The following CDC23 variants were observed in gnomAD, a reference collection of about 807,000 sequenced individuals.
The protein encoded by CDC23 is cell division cycle 23.
CDC23 carries 26 observed loss-of-function variants against 81.7 expected under a neutral mutation model. The observed-to-expected ratio is 0.32, with a 90% CI of 0.23 to 0.44. The LOEUF (loss-of-function observed/expected upper bound fraction) is 0.44. CDC23 is among the 20% of genes least tolerant of loss of function. The pLI is 1.00. For synonymous variants in CDC23, 267 were observed against 270.8 expected (o/e 0.99, Z 0.14); for missense variants, 519 against 728.0 (o/e 0.71, Z 3.30).
intron 9 of CDC23, among the ~76,000 whole-genome samples, chr5:138,195,700 C>CATATATACATATTATATGTAT (rs1754887522): frequency 1.1e-5 from 1 of 94,744 alleles, no homozygotes; most frequent in South Asian, 3.0e-4. Context: ...AATATATATG[C>CATATATACATATTATATGTAT]ATATATACAT....
chr5:138,212,940 G>A, intron 2 of CDC23, 51 bp downstream of exon 2: 1 of 1,517,118 alleles, frequency 6.6e-7, no homozygotes, highest in Non-Finnish European at 9.1e-7. Flanking sequence ...AGTGGCTCTT[G>A]AGGCACACCC....
intron 2 of CDC23, among the ~76,000 whole-genome samples, chr5:138,208,660 T>C (rs1755079536): frequency 3.3e-5 from 5 of 152,234 alleles, no homozygotes; most frequent in Admixed American, 3.3e-4. Flanking sequence ...GATATATCCT[T>C]ATAATTCAGA....
chr5:138,209,719 G>A (rs184398837), intron 2 of CDC23, among the ~76,000 whole-genome samples: 1 of 151,620 alleles, frequency 6.6e-6, no homozygotes, highest in Non-Finnish European at 1.5e-5. Flanking sequence ...GGCTATTCGG[G>A]AGGCTGAGGC....
intron 9 of CDC23, among the ~76,000 whole-genome samples, chr5:138,195,739 A>ATATATATGTATATATATACATATAT (rs1754891620): frequency 3.6e-5 from 2 of 55,704 alleles, no homozygotes; most frequent in Non-Finnish European, 7.7e-5. Context: ...TATACATATA[A>ATATATATGTATATATATACATATAT]TATATATGTA....
chr5:138,197,502 T>A lies in CDC23; in HGVS notation c.1012+697A>T, dbSNP rs527672036. On this transcript the variant is annotated intron_variant, in intron 9 of 15. Transcript: ENST00000394886. ...AACATGTAATACATATTTATTTTTT[T>A]TTTTTTTTTTTTGAGACGGAGTCTC... is the stretch of plus-strand genomic sequence containing the variant. 9.0e-4 allele frequency among the ~76,000 whole-genome samples: 135 copies of A among 149,400 alleles called. 1 individual carries two copies. The highest frequency in any genetic ancestry group is 5.2e-3 in the East Asian group (27 of 5,148).
chr5:138,192,944 T>A (rs1754842819), intron 9 of CDC23, among the ~76,000 whole-genome samples: 1 of 152,222 alleles, frequency 6.6e-6, no homozygotes, highest in African/African-American at 2.4e-5. Flanking sequence ...CTTTCTTTTT[T>A]TCTGAGACAA....
intron 3 of CDC23, chr5:138,206,215 A>T (rs1755046227): frequency 2.4e-6 from 1 of 419,946 alleles, no homozygotes; most frequent in Non-Finnish European, 4.2e-6. Flanking sequence ...TATAAACATG[A>T]TAAATGAATT....
At chr5:138,211,482 T>TGAA (rs997658782) in intron 2 of CDC23, among the ~76,000 whole-genome samples, 2 of 151,952 alleles carry the variant, frequency 1.3e-5, no homozygotes, top group African/African-American at 4.8e-5. Context: ...GTAAACAGGG[T>TGAA]GAAACCCTGT....
chr5:138,195,597 ATT>A lies in CDC23; in HGVS notation c.1012+2600_1012+2601del, dbSNP rs1491484332. Among the ~76,000 whole-genome samples, 11 of 77,666 alleles carry A rather than the reference ATT, an allele frequency of 1.4e-4. No homozygotes were observed. The East Asian group carries it at 6.6e-3, about 47-fold the overall frequency. 51.0% of individuals were successfully genotyped at this position (77,666 alleles called of 152,430 possible). A position where few individuals can be genotyped will look rare whatever the true frequency, so the allele number is the denominator to read the frequency against. The stretch of plus-strand genomic sequence containing the variant: ...ATATAATATATTATATATAATATAT[ATT>A]ATATATGATATATTTATATATAAAT... On this transcript the variant is annotated intron_variant, in intron 9 of 15. Coordinates refer to ENST00000394886, the MANE Select transcript of CDC23 (RefSeq NM_004661.4).
At chr5:138,196,369 C>A (rs1754905628) in intron 9 of CDC23, among the ~76,000 whole-genome samples, 1 of 151,394 alleles carries the variant, frequency 6.6e-6, no homozygotes, top group Non-Finnish European at 1.5e-5. Context: ...TGGCTCACTG[C>A]AACCTCGGCC....
intron 8 of CDC23, 53 bp from the exon 9 acceptor site, chr5:138,198,333 A>G (rs1754942567): frequency 1.3e-6 from 2 of 1,583,064 alleles, no homozygotes; most frequent in Non-Finnish European, 1.7e-6. Flanking sequence ...TCCCTAAATT[A>G]TTTTTCCTGT....
At chr5:138,212,914 C>T (rs1755130262) in intron 2 of CDC23, 77 bp downstream of exon 2, 4 of 1,207,510 alleles carry the variant, frequency 3.3e-6, no homozygotes, top group Non-Finnish European at 4.9e-6. Flanking sequence ...TGCTCTCCTC[C>T]AGTGACAGGG....
chr5:138,194,882 C>T (rs908832408), intron 9 of CDC23, among the ~76,000 whole-genome samples: 6 of 151,504 alleles, frequency 4.0e-5, no homozygotes, highest in Non-Finnish European at 7.4e-5. Flanking sequence ...CCACCATGCC[C>T]GGCTAATTTT....
At chr5:138,193,899 G>A (rs1440037789) in intron 9 of CDC23, among the ~76,000 whole-genome samples, 4 of 151,550 alleles carry the variant, frequency 2.6e-5, no homozygotes, top group African/African-American at 4.8e-5. Context: ...CAGAGGTTGC[G>A]GTGAGCCAAG....
In CDC23 at chr5:138,197,507, T is replaced by A. The variant is rs975702303; in HGVS notation, c.1012+692A>T. Among the ~76,000 whole-genome samples the A allele has an allele frequency of 3.8e-4, 57 of 149,840 alleles. 2 individuals are homozygous for A. The highest frequency in any genetic ancestry group is 2.9e-3 in the South Asian group (14 of 4,800). On this transcript the variant is annotated intron_variant, in intron 9 of 15. Coordinates refer to ENST00000394886, the MANE Select transcript of CDC23 (RefSeq NM_004661.4). ...GTAATACATATTTATTTTTTTTTTT[T>A]TTTTTTTGAGACGGAGTCTCACTCT... is the stretch of plus-strand genomic sequence containing the variant.
chr5:138,189,255 CT>C, intron 15 of CDC23, 107 bp from the exon 16 acceptor site: 1 of 1,063,264 alleles, frequency 9.4e-7, no homozygotes, highest in South Asian at 1.6e-5. Flanking sequence ...AGGCGGGAGG[CT>C]TGCTTGTTTT....
At chr5:138,209,707 C>T (rs1755092423) in intron 2 of CDC23, among the ~76,000 whole-genome samples, 1 of 150,412 alleles carries the variant, frequency 6.6e-6, no homozygotes, top group African/African-American at 2.4e-5. Flanking sequence ...TTCGGTAATC[C>T]CGGCTATTCG....
rs17234947 is a variant in CDC23, at chr5:138,188,625, C to G, written c.*353G>C. The G allele has an allele frequency of 3.6e-3, 590 of 164,450 alleles. 1 individual carries two copies. Among genetic ancestry groups the G allele is most frequent in the African/African-American group, 0.013 (559 of 41,856 alleles). 10.2% of individuals were successfully genotyped at this position (164,450 alleles called of 1,614,324 possible). On this transcript the variant is annotated 3_prime_UTR_variant, in exon 16 of 16. Coordinates refer to ENST00000394886, the MANE Select transcript of CDC23 (RefSeq NM_004661.4). ...GCAGACTTTCCTCCTTTCTTTCACT[C>G]TCAGCAGCATTGAAACTTTGTTCCT...
chr5:138,191,384 T>A, intron 13 of CDC23, 90 bp downstream of exon 13: 1 of 1,023,532 alleles, frequency 9.8e-7, no homozygotes, highest in Admixed American at 1.7e-5. Flanking sequence ...TGTAGAATGA[T>A]GGGTGTATGG....
Sources: allele counts gnomAD v4.1 joint callset (sites outside exome capture counted in the v4.1 genomes callset), GRCh38; gene constraint gnomAD v4.1.1; transcripts MANE v1.5; gene names NCBI Gene and HGNC (gene_info 2026-07-23, HGNC 2026-07-21).